IARS1: variants seen among roughly 807,000 people sequenced by gnomAD.
IARS1 encodes the protein isoleucyl-tRNA synthetase 1, also known as isoleucine--tRNA ligase, cytoplasmic.
A neutral mutation model predicts 168.2 loss-of-function variants in IARS1; 124 were observed. The ratio of observed to expected loss-of-function variants is 0.74; its 90% CI spans 0.64 to 0.86. The LOEUF is 0.86. IARS1 is among the 40% of genes least tolerant of loss of function. The probability of loss-of-function intolerance (pLI) is 0.00; values close to 1 mark genes in which losing one functional copy is unlikely to be tolerated. For synonymous variants in IARS1, 532 were observed against 529.4 expected (o/e 1.00, Z -0.07); for missense variants, 1,452 against 1,515.8 (o/e 0.96, Z 0.70).
chr9:92,274,463 C>CCTT lies in IARS1; in HGVS notation c.950_952dup (p.Glu317dup). 6.2e-7 allele frequency: 1 copy of CCTT among 1,613,910 alleles called. No homozygotes were observed. The highest frequency in any genetic ancestry group is 8.5e-7 in the Non-Finnish European group (1 of 1,179,838). Reference sequence around the variant, plus strand: ...AGGAGCTTGGTGGACAACCCCTGTGCCTTCTTCTTCCTTCACATAGTTGTC... The same window carrying CCTT: ...AGGAGCTTGGTGGACAACCCCTGTGCCTTCTTCTTCTTCCTTCACATAGTTGTC... On this transcript the variant is annotated inframe_insertion, in exon 10 of 34. Transcript: ENST00000443024.
intron 26 of IARS1, 115 bp downstream of exon 26, chr9:92,247,262 G>GGGACACGACA: frequency 3.5e-6 from 3 of 867,550 alleles, no homozygotes; most frequent in Non-Finnish European, 5.4e-6. Flanking sequence ...AGGACACGAC[G>GGGACACGACA]GGACACGACA....
At chr9:92,262,919 G>T in intron 17 of IARS1, 50 bp downstream of exon 17, 1 of 1,354,564 alleles carries the variant, frequency 7.4e-7, no homozygotes, top group Non-Finnish European at 1.1e-6. Flanking sequence ...TCCTTCTTAA[G>T]AAACAGTGGA....
intron 30 of IARS1, among the ~76,000 whole-genome samples, chr9:92,235,623 T>G (rs1389864412): frequency 6.7e-6 from 1 of 149,840 alleles, no homozygotes; most frequent in Admixed American, 6.7e-5. Flanking sequence ...GTTCAAGCAA[T>G]TCTCCTGCCT....
At chr9:92,236,227 A>C (rs1587746933) in intron 30 of IARS1, among the ~76,000 whole-genome samples, 1 of 151,858 alleles carries the variant, frequency 6.6e-6, no homozygotes, top group African/African-American at 2.4e-5. Flanking sequence ...CAGGTGACCC[A>C]CCCGCCTTGG....
chr9:92,256,887 AAC>A, intron 19 of IARS1, 87 bp from the exon 20 acceptor site: 25 of 1,310,836 alleles, frequency 1.9e-5, no homozygotes, highest in South Asian at 5.0e-5. Context: ...CTTAAACAAA[AAC>A]AAAAAGAAAA....
In IARS1 at chr9:92,210,781, G is replaced by A. The variant is rs550790788; in HGVS notation, c.*26C>T. On this transcript the variant is annotated 3_prime_UTR_variant, in exon 34 of 34. Coordinates refer to ENST00000443024, the MANE Select transcript of IARS1 (RefSeq NM_002161.6). ...GGATAGGTGTAATTAGGGAAGGGCT[G>A]ACCGAACAACATTGATAAGTACATG... 21 of 1,444,918 alleles carry A rather than the reference G, an allele frequency of 1.5e-5. No homozygotes were observed. The highest frequency in any genetic ancestry group is 5.7e-5 in the South Asian group (5 of 87,530). 89.5% of individuals were successfully genotyped at this position (1,444,918 alleles called of 1,614,324 possible). A position where few individuals can be genotyped will look rare whatever the true frequency, so the allele number is the denominator to read the frequency against.
chr9:92,245,844 G>C (rs1255541798), intron 26 of IARS1, among the ~76,000 whole-genome samples: 1 of 150,912 alleles, frequency 6.6e-6, no homozygotes, highest in Non-Finnish European at 1.5e-5. Flanking sequence ...TCGGCTCACT[G>C]CAAGCTCTGC....
At chr9:92,248,649 T>TCA (rs1048405061) in intron 25 of IARS1, among the ~76,000 whole-genome samples, 5 of 82,644 alleles carry the variant, frequency 6.1e-5, no homozygotes, top group African/African-American at 1.0e-4. Flanking sequence ...CGAGACCCTG[T>TCA]CACAAAAAAA....
At chr9:92,219,566 T>C (rs1839335757) in intron 33 of IARS1, among the ~76,000 whole-genome samples, 1 of 150,598 alleles carries the variant, frequency 6.6e-6, no homozygotes, top group African/African-American at 2.5e-5. Context: ...TCAAACAAAT[T>C]TACAAGAAAA....
intron 30 of IARS1, among the ~76,000 whole-genome samples, chr9:92,234,930 G>C (rs943614403): frequency 1.0e-4 from 15 of 150,512 alleles, no homozygotes; most frequent in Admixed American, 2.7e-4. Flanking sequence ...TGCAACCTCC[G>C]CTTCCCAGGT....
intron 33 of IARS1, among the ~76,000 whole-genome samples, chr9:92,218,051 C>T (rs2133359694): frequency 6.6e-6 from 1 of 152,240 alleles, no homozygotes; most frequent in African/African-American, 2.4e-5. Flanking sequence ...ACGAATCCAG[C>T]AGCACATTAA....
intron 14 of IARS1, among the ~76,000 whole-genome samples, 173 bp downstream of exon 14, chr9:92,268,001 A>G (rs577220837): frequency 6.6e-6 from 1 of 152,302 alleles, no homozygotes; most frequent in East Asian, 1.9e-4. Context: ...AAAGTTAAAA[A>G]CCCCAGAAAC....
At chr9:92,232,959 A>G (rs1325788373) in intron 30 of IARS1, among the ~76,000 whole-genome samples, 1 of 152,156 alleles carries the variant, frequency 6.6e-6, no homozygotes, top group Non-Finnish European at 1.5e-5. Flanking sequence ...AGCCTTTGAT[A>G]TTTTTTACTA....
chr9:92,230,301 C>T (rs188237467), intron 30 of IARS1, among the ~76,000 whole-genome samples: 186 of 152,016 alleles, frequency 1.2e-3, no homozygotes, highest in African/African-American at 4.2e-3. Flanking sequence ...TCAGTAGAGA[C>T]GGGGTTTCAC....
At chr9:92,226,852 G>A (rs1054362826) in intron 31 of IARS1, among the ~76,000 whole-genome samples, 2 of 146,654 alleles carry the variant, frequency 1.4e-5, no homozygotes, top group African/African-American at 5.1e-5. Flanking sequence ...GTTTCTCGCA[G>A]AGGGGGATTT....
intron 30 of IARS1, among the ~76,000 whole-genome samples, chr9:92,236,102 C>T (rs190300171): frequency 5.3e-5 from 8 of 152,170 alleles, no homozygotes; most frequent in Admixed American, 4.6e-4. Flanking sequence ...CCTGCCTCAG[C>T]CTCCCGAGTA....
At chr9:92,216,569 T>C (rs1258219822) in intron 33 of IARS1, among the ~76,000 whole-genome samples, 2 of 126,928 alleles carry the variant, frequency 1.6e-5, no homozygotes, top group African/African-American at 3.0e-5. Context: ...AATAAAAGGA[T>C]GGAGGAAGAT....
In IARS1 at chr9:92,242,345, A is replaced by G; in HGVS notation, c.3001-15T>C. On this transcript the variant is annotated splice_polypyrimidine_tract_variant and intron_variant, in intron 28 of 33. Transcript: ENST00000443024. ...ACCAGATTGCACTGAAAACACACAC[A>G]GAAAAATTTAAAAGGGAAGTACATT... 1 of 1,601,906 alleles carries G rather than the reference A, an allele frequency of 6.2e-7. No homozygotes were observed. Among genetic ancestry groups the G allele is most frequent in the East Asian group, 2.2e-5 (1 of 44,784 alleles).
chr9:92,212,891 A>G (rs909802553), intron 33 of IARS1, among the ~76,000 whole-genome samples: 4 of 152,128 alleles, frequency 2.6e-5, no homozygotes, highest in African/African-American at 9.7e-5. Context: ...TGGGGGCTCT[A>G]AGCAAGGGAA....
Sources: allele counts gnomAD v4.1 joint callset (sites outside exome capture counted in the v4.1 genomes callset), GRCh38; gene constraint gnomAD v4.1.1; transcripts MANE v1.5; gene names NCBI Gene and HGNC (gene_info 2026-07-23, HGNC 2026-07-21).